Variants in ST8SIA1 observed in about 807,000 individuals in gnomAD.
The protein encoded by ST8SIA1 is alpha-N-acetylneuraminide alpha-2,8-sialyltransferase.
ST8SIA1 carries 16 observed loss-of-function variants against 35.9 expected under a neutral mutation model. That is an observed-to-expected ratio of 0.45 (90% CI 0.30 to 0.68). The LOEUF is 0.68. ST8SIA1 is among the 30% of genes least tolerant of loss of function. The pLI is 0.09. For synonymous variants in ST8SIA1, 170 were observed against 169.6 expected (o/e 1.00, Z -0.02); for missense variants, 383 against 453.6 (o/e 0.84, Z 1.41).
chr12:22,290,270 T>C (rs1866158184), intron 1 of ST8SIA1, among the ~76,000 whole-genome samples: 2 of 152,064 alleles, frequency 1.3e-5, no homozygotes, highest in Admixed American at 1.3e-4. Context: ...GAAACCACAA[T>C]GTGGAAATGT....
At chr12:22,304,759 T>C (rs1305754423) in intron 1 of ST8SIA1, among the ~76,000 whole-genome samples, 1 of 152,224 alleles carries the variant, frequency 6.6e-6, no homozygotes, top group African/African-American at 2.4e-5. Context: ...ATAATTCTCC[T>C]TTTTTGGAGA....
intron 2 of ST8SIA1, chr12:22,286,568 T>G (rs755502671): frequency 2.0e-6 from 1 of 496,926 alleles, no homozygotes; most frequent in Non-Finnish European, 3.9e-6. Flanking sequence ...GCTGCCTACA[T>G]GTATATTAGA....
chr12:22,212,128 T>C (rs1405566988), intron 4 of ST8SIA1, among the ~76,000 whole-genome samples: 2 of 152,244 alleles, frequency 1.3e-5, no homozygotes, highest in South Asian at 2.1e-4. Context: ...TTATAAAAAA[T>C]AACTCATATA....
intron 4 of ST8SIA1, among the ~76,000 whole-genome samples, chr12:22,230,364 C>A (rs1161827119): frequency 6.6e-6 from 1 of 152,102 alleles, no homozygotes; most frequent in Non-Finnish European, 1.5e-5. Flanking sequence ...CTCTCTGGGG[C>A]TCTGTAATAC....
intron 1 of ST8SIA1, among the ~76,000 whole-genome samples, chr12:22,330,815 G>C (rs548008348): frequency 2.4e-4 from 36 of 152,262 alleles, no homozygotes; most frequent in African/African-American, 8.4e-4. Flanking sequence ...CATAAATTCT[G>C]AATTCAGGTT....
intron 3 of ST8SIA1, among the ~76,000 whole-genome samples, 160 bp from the exon 4 acceptor site, chr12:22,249,258 G>A (rs573002628): frequency 3.8e-5 from 5 of 130,314 alleles, no homozygotes; most frequent in South Asian, 5.0e-4. Context: ...TCGCTCTGTT[G>A]CCCAGGCTGG....
intron 1 of ST8SIA1, among the ~76,000 whole-genome samples, chr12:22,310,349 C>T (rs958623900): frequency 3.3e-5 from 5 of 152,118 alleles, no homozygotes; most frequent in African/African-American, 1.2e-4. Flanking sequence ...CCAGCTGAAG[C>T]CCAGGTCTCT....
chr12:22,255,368 A>G lies in ST8SIA1; in HGVS notation c.403T>C (p.Leu135=). 6.2e-7 allele frequency: 1 copy of G among 1,614,170 alleles called. No individual in the cohort carries two copies. Among genetic ancestry groups the G allele is most frequent in the Non-Finnish European group, 8.5e-7 (1 of 1,180,008 alleles). ...FPQATPFQLP[L]KKCAVVGNGG... ...TTTCCCACCACCGCGCATTTCTTCA[A>G]TGGCAGCTGGAATGGGGTTGCCTAG... Residue 135 remains leucine, a synonymous_variant, in exon 3 of 5, where the codon TTG becomes CTG. Coordinates refer to ENST00000396037, the MANE Select transcript of ST8SIA1 (RefSeq NM_003034.4).
intron 4 of ST8SIA1, among the ~76,000 whole-genome samples, chr12:22,225,258 T>A (rs1025931855): frequency 6.6e-5 from 10 of 152,148 alleles, no homozygotes; most frequent in African/African-American, 2.4e-4. Context: ...ACTAATAAAA[T>A]GATTATACAG....
intron 1 of ST8SIA1, among the ~76,000 whole-genome samples, chr12:22,316,480 A>G (rs1866521219): frequency 6.6e-6 from 1 of 152,170 alleles, no homozygotes; most frequent in Non-Finnish European, 1.5e-5. Context: ...CTATACTAAA[A>G]CAAATCACAG....
Position 22,325,284 on chromosome 12 carries a change from G to A in ST8SIA1, c.236+8713C>T, listed in dbSNP as rs190839988. On this transcript the variant is annotated intron_variant, in intron 1 of 4. Transcript: ENST00000396037. The stretch of plus-strand genomic sequence containing the variant: ...CATCCCAGGCAAGATGTAGTGGGAC[G>A]AAAGGCCCTTTTCTCATTGTGGTCA... 1,294 of 551,744 alleles carry A rather than the reference G, an allele frequency of 2.3e-3. 3 individuals carry two copies. Among genetic ancestry groups the A allele is most frequent in the Non-Finnish European group, 2.8e-3 (872 of 309,262 alleles). The allele number at this position is 551,744 out of a possible 1,614,324, so 34.2% of individuals were successfully genotyped here.
chr12:22,214,750 T>C (rs1405430180), intron 4 of ST8SIA1, among the ~76,000 whole-genome samples: 2 of 152,206 alleles, frequency 1.3e-5, no homozygotes, highest in African/African-American at 4.8e-5. Flanking sequence ...AGATCTATAA[T>C]TAAATTACAG....
At chr12:22,318,435 G>T (rs1055309623) in intron 1 of ST8SIA1, among the ~76,000 whole-genome samples, 1 of 152,228 alleles carries the variant, frequency 6.6e-6, no homozygotes, top group African/African-American at 2.4e-5. Context: ...GATAAAAGGG[G>T]GAATTAAGCA....
At chr12:22,236,654 C>T (rs1865479068) in intron 4 of ST8SIA1, among the ~76,000 whole-genome samples, 1 of 152,168 alleles carries the variant, frequency 6.6e-6, no homozygotes, top group Admixed American at 6.5e-5. Context: ...CCACTGGGTG[C>T]AACCCACTCT....
intron 2 of ST8SIA1, 96 bp downstream of exon 2, chr12:22,287,053 A>T: frequency 1.7e-6 from 2 of 1,176,222 alleles, no homozygotes; most frequent in Non-Finnish European, 1.2e-6. Context: ...GAAAACAAAA[A>T]GTCAATCTGA....
intron 4 of ST8SIA1, among the ~76,000 whole-genome samples, chr12:22,207,702 T>C (rs867989825): frequency 1.3e-5 from 2 of 152,224 alleles, no homozygotes; most frequent in East Asian, 3.9e-4. Context: ...ACTACCAAAA[T>C]AATAATAGTC....
chr12:22,249,098 T>A lies in ST8SIA1; in HGVS notation c.492A>T (p.Arg164=). The A allele has an allele frequency of 6.2e-7, 1 of 1,606,866 alleles. No individual in the cohort carries two copies. Among genetic ancestry groups the A allele is most frequent in the South Asian group, 1.1e-5 (1 of 90,704 alleles). The change falls in exon 4 of 5, where the codon CGA becomes CGT. Residue 164 remains arginine, a splice_region_variant and synonymous_variant. Transcript: ENST00000396037. The part of the protein sequence containing the change: ...RQIDEANFVM[R]CNLPPLSSEY... ...CACTTGACAAAGGAGGGAGATTGCA[T>A]CTAGAGAAACAAGAACAAACATTTT... is the stretch of plus-strand genomic sequence containing the variant.
At position 22,194,438 on chromosome 12, in the gene ST8SIA1, G is replaced by C. The variant is rs2120578598; in HGVS notation, c.*7114C>G. The C allele has an allele frequency of 6.6e-6, 1 of 152,228 alleles. No homozygotes were observed. The highest frequency in any genetic ancestry group is 1.9e-4 in the East Asian group (1 of 5,182). The allele number at this position is 152,228 out of a possible 1,614,324, so 9.4% of individuals were successfully genotyped here. ...AATAGTCACATTTGCTACATTTATAGGACTTCTTGATAATAACGATACAAC... is the reference window on the plus strand; with the variant it reads ...AATAGTCACATTTGCTACATTTATACGACTTCTTGATAATAACGATACAAC... On this transcript the variant is annotated 3_prime_UTR_variant, in exon 5 of 5. Coordinates refer to ENST00000396037, the MANE Select transcript of ST8SIA1 (RefSeq NM_003034.4).
rs147820055 is a variant in ST8SIA1, at chr12:22,321,042, G to GAAAGAAAAGA, written c.236+12945_236+12954dup. On this transcript the variant is annotated intron_variant, in intron 1 of 4. Transcript: ENST00000396037. ...AGAAAGAAAGAAAGAAAGAGAAAGA[G>GAAAGAAAAGA]AAAGAAAAGAAAAGGAAGAGTCTGC... Among the ~76,000 whole-genome samples, 86 of 49,120 alleles carry GAAAGAAAAGA rather than the reference G, an allele frequency of 1.8e-3. 1 individual carries two copies. Among genetic ancestry groups the GAAAGAAAAGA allele is most frequent in the African/African-American group, 3.1e-3 (28 of 9,178 alleles). The allele number at this position is 49,120 out of a possible 152,430, so 32.2% of individuals were successfully genotyped here.
Sources: allele counts gnomAD v4.1 joint callset (sites outside exome capture counted in the v4.1 genomes callset), GRCh38; gene constraint gnomAD v4.1.1; transcripts MANE v1.5; gene names NCBI Gene and HGNC (gene_info 2026-07-23, HGNC 2026-07-21).